IL20RA: variants seen among roughly 807,000 people sequenced by gnomAD.
IL20RA encodes the protein interleukin 20 receptor subunit alpha.
IL20RA carries 29 observed loss-of-function variants against 36.5 expected under a neutral mutation model. The ratio of observed to expected loss-of-function variants is 0.79; its 90% CI spans 0.59 to 1.08. The LOEUF is 1.08. IL20RA is among the 50% of genes least tolerant of loss of function. The pLI is 0.00. For synonymous variants in IL20RA, 279 were observed against 267.1 expected, an observed-to-expected ratio of 1.04 and a Z score of -0.43; for missense variants, 652 against 668.4, an observed-to-expected ratio of 0.98 and a Z score of 0.27.
chr6:137,008,585 T>A lies in IL20RA; in HGVS notation c.724+14A>T, dbSNP rs1775353451. On this transcript the variant is annotated intron_variant, in intron 5 of 6. Coordinates refer to ENST00000316649, the MANE Select transcript of IL20RA (RefSeq NM_014432.4). ...ATCTCCTTCCTAGACCAGCAAAGATTTTTTAAAGCTTACCTTTCAAAGTCC... is the reference window on the plus strand; with the variant it reads ...ATCTCCTTCCTAGACCAGCAAAGATATTTTAAAGCTTACCTTTCAAAGTCC... The A allele has an allele frequency of 1.3e-6, 2 of 1,578,728 alleles. No homozygotes were observed. Among genetic ancestry groups the A allele is most frequent in the East Asian group, 2.3e-5 (1 of 43,472 alleles).
At chr6:137,019,652 C>T (rs1459750349) in intron 1 of IL20RA, among the ~76,000 whole-genome samples, 1 of 152,110 alleles carries the variant, frequency 6.6e-6, no homozygotes, top group Admixed American at 6.5e-5. Context: ...TTCATTGATT[C>T]AGTAGACAGT....
At chr6:137,020,506 C>G (rs1377729867) in intron 1 of IL20RA, among the ~76,000 whole-genome samples, 1 of 148,932 alleles carries the variant, frequency 6.7e-6, no homozygotes, top group Non-Finnish European at 1.5e-5. Context: ...AAAAAAAACC[C>G]CTCCATTCCC....
intron 1 of IL20RA, among the ~76,000 whole-genome samples, chr6:137,028,402 T>G: frequency 2.3e-5 from 3 of 128,770 alleles, no homozygotes; most frequent in Non-Finnish European, 3.2e-5. Flanking sequence ...GGTGACAGAG[T>G]GAGACTCCAT....
Position 137,005,666 on chromosome 6 carries a change from T to TG in IL20RA, c.725-907_725-906insC, listed in dbSNP as rs762608976. The stretch of plus-strand genomic sequence containing the variant: ...AGGTTTTTGTTGTTGTTGTTGTTGT[T>TG]TTTTTTAATGGGAGTCTAACATTTC... On this transcript the variant is annotated intron_variant, in intron 5 of 6. Coordinates refer to ENST00000316649, the MANE Select transcript of IL20RA (RefSeq NM_014432.4). Among the ~76,000 whole-genome samples, 26 of 150,930 alleles carry TG rather than the reference T, an allele frequency of 1.7e-4. No individual in the cohort carries two copies. The East Asian group carries it at 2.1e-3, about 12-fold the overall frequency.
In IL20RA at chr6:137,009,209, A is replaced by T. The variant is rs369996217; in HGVS notation, c.579+108T>A. 1.4e-4 allele frequency: 138 copies of T among 965,346 alleles called. 1 individual carries two copies. Among genetic ancestry groups the T allele is most frequent in the Admixed American group, 6.2e-4 (36 of 58,528 alleles). 59.8% of individuals were successfully genotyped at this position (965,346 alleles called of 1,614,324 possible). On this transcript the variant is annotated intron_variant, in intron 4 of 6. Coordinates refer to ENST00000316649, the MANE Select transcript of IL20RA (RefSeq NM_014432.4). The stretch of plus-strand genomic sequence containing the variant: ...TTGTGCGGCGTATCTTTTGAACATC[A>T]TGACTTCCCAGATTCACATGCAGAG...
chr6:137,002,837 G>A (rs756441937), intron 6 of IL20RA, among the ~76,000 whole-genome samples: 28 of 152,216 alleles, frequency 1.8e-4, no homozygotes, highest in Non-Finnish European at 3.7e-4. Flanking sequence ...AGACAGGCAT[G>A]AGAACTGGAT....
chr6:137,010,919 A>G (rs1347765048), intron 3 of IL20RA, among the ~76,000 whole-genome samples: 1 of 152,138 alleles, frequency 6.6e-6, no homozygotes, highest in African/African-American at 2.4e-5. Flanking sequence ...CTTAGAGACC[A>G]CTTGGTTAAA....
At chr6:137,024,588 G>A (rs1311588534) in intron 1 of IL20RA, among the ~76,000 whole-genome samples, 1 of 152,168 alleles carries the variant, frequency 6.6e-6, no homozygotes, top group East Asian at 1.9e-4. Context: ...CAGGTCCAAT[G>A]TCTCCTTTTG....
rs779968549 is a variant in IL20RA, at chr6:137,004,679, A to C, written c.806T>G (p.Met269Arg). The C allele has an allele frequency of 2.5e-6, 4 of 1,612,974 alleles. No individual in the cohort carries two copies. Among genetic ancestry groups the C allele is most frequent in the Admixed American group, 3.3e-5 (2 of 59,748 alleles). ...GATATATCGGTAGATGGAATAGCCCATCACAGAAAAAAGAAACACGGTAAT... is the reference window on the plus strand; with the variant it reads ...GATATATCGGTAGATGGAATAGCCCCTCACAGAAAAAAGAAACACGGTAAT... ...VSITVFLFSVMGYSIYRYIHV... is the reference protein window; with the variant it reads ...VSITVFLFSVRGYSIYRYIHV... Residue 269 changes from methionine to arginine, a missense_variant, in exon 6 of 7, where the codon ATG becomes AGG. Physicochemically the swap from Met to Arg is moderately conservative, Grantham distance 91 (BLOSUM62 -1). Coordinates refer to ENST00000316649, the MANE Select transcript of IL20RA (RefSeq NM_014432.4).
chr6:137,024,949 A>C (rs938165759), intron 1 of IL20RA, among the ~76,000 whole-genome samples: 4 of 152,204 alleles, frequency 2.6e-5, no homozygotes, highest in Non-Finnish European at 4.4e-5. Flanking sequence ...GAACGATGGA[A>C]GGATATGTGA....
chr6:137,002,614 G>T (rs1233191335), intron 6 of IL20RA, among the ~76,000 whole-genome samples: 1 of 152,222 alleles, frequency 6.6e-6, no homozygotes, highest in Non-Finnish European at 1.5e-5. Context: ...GGGCTGGGGC[G>T]TTGGTGCCCC....
intron 2 of IL20RA, among the ~76,000 whole-genome samples, chr6:137,015,320 C>A (rs1317269678): frequency 6.6e-6 from 1 of 152,056 alleles, no homozygotes. Context: ...CTGCACACTT[C>A]CTTAAAAAAA....
intron 2 of IL20RA, among the ~76,000 whole-genome samples, chr6:137,012,297 A>G (rs747154246): frequency 3.9e-5 from 6 of 152,152 alleles, no homozygotes; most frequent in Admixed American, 2.0e-4. Flanking sequence ...AAATATTAGG[A>G]GATAGGACTT....
At chr6:137,023,690 G>A (rs145446706) in intron 1 of IL20RA, among the ~76,000 whole-genome samples, 33 of 152,320 alleles carry the variant, frequency 2.2e-4, no homozygotes, top group African/African-American at 7.5e-4. Context: ...GAACTGCACA[G>A]GTCCCATCAG....
intron 1 of IL20RA, among the ~76,000 whole-genome samples, chr6:137,019,229 T>G (rs1433932696): frequency 6.6e-6 from 1 of 151,968 alleles, no homozygotes; most frequent in Non-Finnish European, 1.5e-5. Flanking sequence ...CAGGTTCAAA[T>G]GATTCTCTTG....
chr6:137,034,883 T>G (rs2115421240), intron 1 of IL20RA, among the ~76,000 whole-genome samples: 1 of 150,290 alleles, frequency 6.7e-6, no homozygotes, highest in South Asian at 2.1e-4. Context: ...AGGCGGAGGT[T>G]GCAGTGAGCC....
chr6:137,018,450 ATTTTG>A (rs1198676698), intron 1 of IL20RA, among the ~76,000 whole-genome samples: 2 of 151,712 alleles, frequency 1.3e-5, no homozygotes, highest in African/African-American at 2.4e-5. Flanking sequence ...CATTTAAAAA[ATTTTG>A]TTTTATTTTT....
At position 137,016,965 on chromosome 6, in the gene IL20RA, T is replaced by C. The variant is rs1250497291; in HGVS notation, c.224+3A>G. On this transcript the variant is annotated splice_donor_region_variant and intron_variant, in intron 2 of 6. Coordinates refer to ENST00000316649, the MANE Select transcript of IL20RA (RefSeq NM_014432.4). ...CTAGCCAAAAGGAAAAGAAGAAACT[T>C]ACATGAAATACTGCACAGTGTAAGT... 1.1e-5 allele frequency: 17 copies of C among 1,612,538 alleles called. No homozygotes were observed. Among genetic ancestry groups the C allele is most frequent in the Admixed American group, 1.7e-5 (1 of 59,758 alleles).
At chr6:137,032,335 C>T (rs1776325975) in intron 1 of IL20RA, among the ~76,000 whole-genome samples, 1 of 152,166 alleles carries the variant, frequency 6.6e-6, no homozygotes, top group African/African-American at 2.4e-5. Context: ...GGGCACAAGG[C>T]AGGTGAAGTG....
Sources: allele counts gnomAD v4.1 joint callset (sites outside exome capture counted in the v4.1 genomes callset), GRCh38; gene constraint gnomAD v4.1.1; transcripts MANE v1.5; gene names NCBI Gene and HGNC (gene_info 2026-07-23, HGNC 2026-07-21).